PDE4D: variants seen among roughly 807,000 people sequenced by gnomAD.
PDE4D encodes the protein phosphodiesterase 4D, also known as 3',5'-cyclic-AMP phosphodiesterase 4D.
Under a neutral mutation model 87.4 loss-of-function variants are expected in PDE4D, and 24 were observed. The ratio of observed to expected loss-of-function variants is 0.27; its 90% CI spans 0.20 to 0.39. The LOEUF (loss-of-function observed/expected upper bound fraction) is 0.39. Ranked by LOEUF, PDE4D falls within the 10% of genes least tolerant of loss-of-function variation. The pLI, the probability that PDE4D is intolerant of heterozygous loss-of-function variation, is 1.00. For synonymous variants in PDE4D, 384 were observed against 383.2 expected, an observed-to-expected ratio of 1.00 and a Z score of -0.02; for missense variants, 714 against 1,041.0, an observed-to-expected ratio of 0.69 and a Z score of 4.32.
chr5:60,415,798 G>A (rs1028908230), intron 1 of PDE4D, among the ~76,000 whole-genome samples: 1 of 152,252 alleles, frequency 6.6e-6, no homozygotes, highest in Non-Finnish European at 1.5e-5. Context: ...GCTGAGGAGT[G>A]CAGGCGTAGG....
intron 1 of PDE4D, among the ~76,000 whole-genome samples, chr5:59,433,934 A>T (rs78838240): frequency 1.8e-4 from 27 of 152,106 alleles, no homozygotes; most frequent in Admixed American, 1.2e-3. Context: ...GGAATAATAC[A>T]TATTAATTAA....
intron 1 of PDE4D, among the ~76,000 whole-genome samples, chr5:59,470,129 A>G (rs976998097): frequency 1.3e-5 from 2 of 152,092 alleles, no homozygotes; most frequent in African/African-American, 4.8e-5. Context: ...ATCACATGCT[A>G]GAAGGTGTGG....
At chr5:60,261,421 G>A (rs1288731845) in intron 1 of PDE4D, among the ~76,000 whole-genome samples, 1 of 152,062 alleles carries the variant, frequency 6.6e-6, no homozygotes, top group East Asian at 1.9e-4. Context: ...CAACTAAAAG[G>A]AAGTACTTCT....
intron 3 of PDE4D, among the ~76,000 whole-genome samples, chr5:59,940,943 G>A (rs1704033575): frequency 6.6e-6 from 1 of 152,038 alleles, no homozygotes. Flanking sequence ...CTGCCATCTG[G>A]TTCTTTTATC....
At position 60,215,423 on chromosome 5, in the gene PDE4D, G is replaced by A. The variant is rs145456717; in HGVS notation, c.-89-29736C>T. Among the ~76,000 whole-genome samples the A allele has an allele frequency of 4.7e-3, 709 of 152,064 alleles. 5 individuals carry two copies. The highest frequency in any genetic ancestry group is 7.2e-3 in the Non-Finnish European group (488 of 67,936). ...CTTCTGCAAGATGCATGGCCTCCAA[G>A]AAATTAATCTGATATATGAATCTAT... On this transcript the variant is annotated intron_variant, in intron 1 of 16. Coordinates refer to the PDE4D transcript ENST00000502484.
At chr5:59,727,373 A>G (rs1756752448) in intron 1 of PDE4D, among the ~76,000 whole-genome samples, 1 of 152,126 alleles carries the variant, frequency 6.6e-6, no homozygotes, top group African/African-American at 2.4e-5. Flanking sequence ...TCCCAGCAAT[A>G]CGCCTCAGGG....
intron 1 of PDE4D, among the ~76,000 whole-genome samples, chr5:59,589,161 G>C (rs1034516635): frequency 6.6e-6 from 1 of 152,094 alleles, no homozygotes; most frequent in Non-Finnish European, 1.5e-5. Context: ...AATATCTAGT[G>C]AGTCACTATC....
intron 6 of PDE4D, among the ~76,000 whole-genome samples, chr5:58,994,253 C>T (rs745383838): frequency 6.6e-6 from 1 of 152,084 alleles, no homozygotes; most frequent in Non-Finnish European, 1.5e-5. Flanking sequence ...GCCATAGTGC[C>T]TATTTCATTG....
intron 3 of PDE4D, among the ~76,000 whole-genome samples, chr5:59,193,099 T>C (rs1744698184): frequency 6.6e-6 from 1 of 152,182 alleles, no homozygotes; most frequent in African/African-American, 2.4e-5. Flanking sequence ...TCTGCACAAA[T>C]GGCATATGTA....
chr5:59,944,710 C>T (rs2963808), intron 3 of PDE4D, among the ~76,000 whole-genome samples: 5,704 of 152,240 alleles, frequency 0.037, 317 homozygotes, highest in East Asian at 0.13. Flanking sequence ...TGCAATTCAC[C>T]CTTTACTTAA....
chr5:60,486,299 C>T (rs1749134974), intron 1 of PDE4D, among the ~76,000 whole-genome samples: 1 of 152,172 alleles, frequency 6.6e-6, no homozygotes, highest in Non-Finnish European at 1.5e-5. Context: ...CTATTCGTGT[C>T]TATGGCTACA....
At chr5:60,379,748 C>T (rs1017013800) in intron 1 of PDE4D, among the ~76,000 whole-genome samples, 4 of 152,166 alleles carry the variant, frequency 2.6e-5, no homozygotes, top group Non-Finnish European at 4.4e-5. Flanking sequence ...TAGAAAAAGA[C>T]ACCTCTTTCT....
intron 2 of PDE4D, among the ~76,000 whole-genome samples, chr5:60,114,531 A>G (rs1240708416): frequency 4.6e-5 from 7 of 152,108 alleles, no homozygotes; most frequent in African/African-American, 1.4e-4. Context: ...CTGGAGGTCA[A>G]GACATTATGA....
At chr5:60,159,211 G>A (rs1031689886) in intron 2 of PDE4D, among the ~76,000 whole-genome samples, 1 of 152,132 alleles carries the variant, frequency 6.6e-6, no homozygotes, top group African/African-American at 2.4e-5. Context: ...AAGGTCTTTA[G>A]GGGCAATAAC....
intron 5 of PDE4D, among the ~76,000 whole-genome samples, chr5:59,149,972 C>T (rs1191896395): frequency 2.6e-5 from 4 of 151,960 alleles, no homozygotes; most frequent in Non-Finnish European, 5.9e-5. Flanking sequence ...ACACAAGAGG[C>T]CCCAGGCATT....
intron 1 of PDE4D, among the ~76,000 whole-genome samples, chr5:59,567,563 T>C (rs923749150): frequency 6.6e-6 from 1 of 152,182 alleles, no homozygotes; most frequent in African/African-American, 2.4e-5. Context: ...AATTTTTATG[T>C]ACAGAAAAAC....
chr5:59,490,516 A>C (rs954518033), intron 1 of PDE4D, among the ~76,000 whole-genome samples: 1 of 152,170 alleles, frequency 6.6e-6, no homozygotes, highest in African/African-American at 2.4e-5. Flanking sequence ...AAACCAACTA[A>C]AAACAGTTTC....
chr5:60,180,334 CTA>C (rs1319783579), intron 2 of PDE4D, among the ~76,000 whole-genome samples: 1 of 152,104 alleles, frequency 6.6e-6, no homozygotes, highest in Non-Finnish European at 1.5e-5. Flanking sequence ...CTGAAATAAT[CTA>C]TGTTTCTGCA....
chr5:59,214,167 C>T (rs142070131), intron 2 of PDE4D, among the ~76,000 whole-genome samples: 4 of 151,944 alleles, frequency 2.6e-5, no homozygotes, highest in African/African-American at 9.7e-5. Context: ...ATTTAGCCTG[C>T]CTTACTTCTG....
Sources: gnomAD v4.1 joint callset for allele counts (sites outside exome capture counted in the v4.1 genomes callset) on GRCh38, gnomAD v4.1.1 for gene constraint, MANE v1.5 for transcripts, NCBI Gene and HGNC (gene_info 2026-07-23, HGNC 2026-07-21) for gene names.